EEF2K: variants seen among roughly 807,000 people sequenced by gnomAD.
EEF2K encodes the protein alternative protein EEF2K.
A neutral mutation model predicts 93.8 loss-of-function variants in EEF2K; 70 were observed. The ratio of observed to expected loss-of-function variants is 0.75; its 90% CI spans 0.62 to 0.91. EEF2K has a LOEUF of 0.91. Ranked by LOEUF, EEF2K falls within the 40% of genes least tolerant of loss-of-function variation. The pLI is 0.00. For synonymous variants in EEF2K, 376 were observed against 380.8 expected, an observed-to-expected ratio of 0.99 and a Z score of 0.15; for missense variants, 935 against 972.9, an observed-to-expected ratio of 0.96 and a Z score of 0.52.
chr16:22,234,417 C>T (rs925066856), intron 2 of EEF2K, among the ~76,000 whole-genome samples: 3 of 151,880 alleles, frequency 2.0e-5, no homozygotes, highest in East Asian at 1.9e-4. Flanking sequence ...ATTATCTGGG[C>T]GTGGTGGTGT....
At position 22,256,981 on chromosome 16, in the gene EEF2K, G is replaced by A. The variant is rs528040043; in HGVS notation, c.768+84G>A. On this transcript the variant is annotated intron_variant, in intron 7 of 17. Coordinates refer to ENST00000263026, the MANE Select transcript of EEF2K (RefSeq NM_013302.5). ...CCAGGCTCAGCCCCTAAAGAGGAAG[G>A]TCCCTGTGGGCTTGGAGTCTCACCC... The A allele has an allele frequency of 1.9e-6, 3 of 1,570,822 alleles. No homozygotes were observed. In the East Asian group the frequency reaches 6.7e-5, roughly 35 times the overall value.
intron 5 of EEF2K, 32 bp from the exon 6 acceptor site, chr16:22,251,119 C>A: frequency 6.3e-7 from 1 of 1,598,932 alleles, no homozygotes. Context: ...CCCAGAGTAC[C>A]CAGGTAGGCC....
At chr16:22,266,185 G>A (rs2047515711) in intron 13 of EEF2K, among the ~76,000 whole-genome samples, 1 of 151,408 alleles carries the variant, frequency 6.6e-6, no homozygotes, top group African/African-American at 2.4e-5. Context: ...TTGTGCCATT[G>A]CACTCCAACC....
chr16:22,224,051 A>G (rs1446238075), intron 1 of EEF2K, among the ~76,000 whole-genome samples: 1 of 152,012 alleles, frequency 6.6e-6, no homozygotes, highest in Non-Finnish European at 1.5e-5. Flanking sequence ...TACTAAAAAT[A>G]CAAAAATTAG....
chr16:22,218,962 A>C (rs1367994659), intron 1 of EEF2K, among the ~76,000 whole-genome samples: 3 of 151,686 alleles, frequency 2.0e-5, no homozygotes, highest in South Asian at 2.1e-4. Flanking sequence ...AAGAGAAAAA[A>C]GAAAAGAAAT....
intron 2 of EEF2K, among the ~76,000 whole-genome samples, chr16:22,233,745 A>C (rs2047139611): frequency 6.6e-6 from 1 of 152,138 alleles, no homozygotes. Context: ...ATTCCACATC[A>C]ATACACATAG....
At chr16:22,268,888 C>T (rs1376132012) in intron 15 of EEF2K, among the ~76,000 whole-genome samples, 8 of 151,616 alleles carry the variant, frequency 5.3e-5, no homozygotes, top group South Asian at 2.1e-4. Flanking sequence ...ACCTGGGAGA[C>T]GGAGGTTGCA....
At chr16:22,212,003 A>G (rs2046918977) in intron 1 of EEF2K, among the ~76,000 whole-genome samples, 1 of 151,832 alleles carries the variant, frequency 6.6e-6, no homozygotes, top group Non-Finnish European at 1.5e-5. Flanking sequence ...GACGTGCTGT[A>G]TCCCTGAGCT....
chr16:22,262,861 ACCTTATACTGCTC>A (rs1229299270), intron 11 of EEF2K, among the ~76,000 whole-genome samples: 2 of 152,160 alleles, frequency 1.3e-5, no homozygotes, highest in Non-Finnish European at 2.9e-5. Context: ...CCTTACTGTT[ACCTTATACTGCTC>A]CCTCGTTGGC....
In EEF2K at chr16:22,252,273, G is replaced by A. The variant is rs1374221858; in HGVS notation, c.618+951G>A. 5.3e-5 allele frequency among the ~76,000 whole-genome samples: 8 copies of A among 152,148 alleles called. No individual in the cohort carries two copies. In the South Asian group the frequency reaches 8.3e-4, roughly 16 times the overall value. On this transcript the variant is annotated intron_variant, in intron 6 of 17. Coordinates refer to ENST00000263026, the MANE Select transcript of EEF2K (RefSeq NM_013302.5). The stretch of plus-strand genomic sequence containing the variant: ...TGAAAAATAATGCTGCCACAGGCAC[G>A]GCTGGATGCAGGATTAAACTGAGGT...
rs151195585 is a variant in EEF2K at position 22,263,152 on chromosome 16, C to T, written c.1342C>T (p.Arg448Trp). 9.9e-6 allele frequency: 16 copies of T among 1,612,318 alleles called. No individual in the cohort carries two copies. In the East Asian group the frequency reaches 2.7e-4, roughly 27 times the overall value. The change falls in exon 12 of 18, where the codon CGG (arginine) becomes TGG (tryptophan). Residue 448 changes from arginine to tryptophan, a missense_variant. Coordinates refer to ENST00000263026, the MANE Select transcript of EEF2K (RefSeq NM_013302.5). ...GGACAGCGGATACCCCAGTGAGAAG[C>T]GGGGTGAGCTGGATGACCCTGAGCC... The part of the protein sequence containing the change: ...SGDSGYPSEK[R>W]GELDDPEPRE...
Position 22,257,724 on chromosome 16 carries a change from T to TCTCGCCC in EEF2K, c.985_991dup (p.Arg331LeufsTer89). 6.2e-7 allele frequency: 1 copy of TCTCGCCC among 1,613,986 alleles called. No homozygotes were observed. The highest frequency in any genetic ancestry group is 8.5e-7 in the Non-Finnish European group (1 of 1,180,038). On this transcript the variant is annotated frameshift_variant, in exon 9 of 18. Transcript: ENST00000263026. LOFTEE classifies it high-confidence loss of function. ...AGCATGGGCCTTGCTCCCTTTGACC[T>TCTCGCCC]CTCGCCCCGGGAGAGGGATGCAGTG... is the stretch of plus-strand genomic sequence containing the variant.
chr16:22,263,664 C>A (rs1336254596), intron 12 of EEF2K, among the ~76,000 whole-genome samples: 2 of 152,152 alleles, frequency 1.3e-5, no homozygotes, highest in Non-Finnish European at 2.9e-5. Flanking sequence ...GAAGATAAAA[C>A]AGGATCATGT....
Position 22,280,308 on chromosome 16 carries a change from T to C in EEF2K, c.2000T>C (p.Met667Thr), listed in dbSNP as rs1028026958. Residue 667 changes from methionine to threonine, a missense_variant, in exon 17 of 18, where the codon ATG becomes ACG. By Grantham distance (81) the Met-to-Thr change is moderately conservative (BLOSUM62 -1). Transcript: ENST00000263026. ...ATGCAGGACGAGCCCCGGTACATGA[T>C]GCTGGCCAGGGAGGCCGAGATGCTG... ...DGMQDEPRYM[M>T]LAREAEMLFT... 4 of 1,608,680 alleles carry C rather than the reference T, an allele frequency of 2.5e-6. No homozygotes were observed. The highest frequency in any genetic ancestry group is 2.3e-5 in the East Asian group (1 of 44,400).
chr16:22,217,400 G>A (rs2046969072), intron 1 of EEF2K, among the ~76,000 whole-genome samples: 1 of 151,944 alleles, frequency 6.6e-6, no homozygotes, highest in African/African-American at 2.4e-5. Flanking sequence ...AGAAAAAGGT[G>A]TTTAAAGCAT....
chr16:22,265,921 C>T (rs1328720555), intron 13 of EEF2K, among the ~76,000 whole-genome samples: 1 of 152,082 alleles, frequency 6.6e-6, no homozygotes, highest in Non-Finnish European at 1.5e-5. Context: ...GGGGAGCTGG[C>T]GAAGGGGTTG....
chr16:22,244,269 TTGTGTGTG>T lies in EEF2K; in HGVS notation c.247-327_247-320del, dbSNP rs200282636. Among the ~76,000 whole-genome samples, 1,071 of 140,116 alleles carry T rather than the reference TTGTGTGTG, an allele frequency of 7.6e-3. 22 individuals are homozygous for T. The South Asian group carries it at 0.082, about 11-fold the overall frequency. 91.9% of individuals were successfully genotyped at this position (140,116 alleles called of 152,430 possible). On this transcript the variant is annotated intron_variant, in intron 2 of 17. Coordinates refer to ENST00000263026, the MANE Select transcript of EEF2K (RefSeq NM_013302.5). ...GTTATATTCTGTTTCTATATATGTA[TTGTGTGTG>T]TGTGTGTGTGTGTGTGTGTGTGTGT...
chr16:22,226,739 G>A lies in EEF2K; in HGVS notation c.246+764G>A, dbSNP rs556892706. On this transcript the variant is annotated intron_variant, in intron 2 of 17. Transcript: ENST00000263026. ...TCCCAGGCTGGTCTTGAACTACCAC[G>A]CCCAGCCACTTGTTGTTAATTTTTT... 7.2e-5 allele frequency among the ~76,000 whole-genome samples: 11 copies of A among 151,902 alleles called. 2 individuals are homozygous for A. In the South Asian group the frequency reaches 2.1e-3, roughly 29 times the overall value.
rs2047739648 is a variant in EEF2K at position 22,284,889 on chromosome 16, T to A, written c.*893T>A. 1 of 152,546 alleles carries A rather than the reference T, an allele frequency of 6.6e-6. No individual in the cohort carries two copies. Among genetic ancestry groups the A allele is most frequent in the Non-Finnish European group, 1.5e-5 (1 of 68,036 alleles). The allele number at this position is 152,546 out of a possible 1,614,324, so 9.4% of individuals were successfully genotyped here. A position where few individuals can be genotyped will look rare whatever the true frequency, so the allele number is the denominator to read the frequency against. ...GTGTGAGATTGCACAATACCCAGGC[T>A]CCCTTCTACTGTGGGGAAGGGCCTG... On this transcript the variant is annotated 3_prime_UTR_variant, in exon 18 of 18. Coordinates refer to ENST00000263026, the MANE Select transcript of EEF2K (RefSeq NM_013302.5).
Sources: allele counts gnomAD v4.1 joint callset (sites outside exome capture counted in the v4.1 genomes callset), GRCh38; gene constraint gnomAD v4.1.1; transcripts MANE v1.5; gene names NCBI Gene and HGNC (gene_info 2026-07-23, HGNC 2026-07-21).